The following RAPGEF4 variants were observed in gnomAD, a reference collection of about 807,000 sequenced individuals.
RAPGEF4 encodes the protein Rap guanine nucleotide exchange factor 4.
A neutral mutation model predicts 147.9 loss-of-function variants in RAPGEF4; 66 were observed. The ratio of observed to expected loss-of-function variants is 0.45; its 90% CI spans 0.37 to 0.55. The LOEUF is 0.55. Among genes scored for constraint, RAPGEF4 ranks in the 20% least tolerant of loss-of-function variants. The pLI is 0.00. For missense variants in RAPGEF4, 1,071 were observed against 1,257.3 expected (o/e 0.85, Z 2.24); for synonymous variants, 419 against 442.7 (o/e 0.95, Z 0.67).
chr2:172,754,155 T>C (rs537024208), intron 1 of RAPGEF4, among the ~76,000 whole-genome samples: 89 of 151,990 alleles, frequency 5.9e-4, no homozygotes, highest in African/African-American at 2.0e-3. Context: ...TCCTGCAGTA[T>C]TTTTTTTGTG....
chr2:172,886,280 A>G (rs1213971670), intron 4 of RAPGEF4, among the ~76,000 whole-genome samples: 1 of 152,188 alleles, frequency 6.6e-6, no homozygotes, highest in Non-Finnish European at 1.5e-5. Context: ...ATTTATTTAC[A>G]TATTATCTAT....
rs1371696857 is a variant in RAPGEF4, at chr2:172,735,940, CG to C, written c.-41del. On this transcript the variant is annotated 5_prime_UTR_variant, in exon 1 of 31. Coordinates refer to ENST00000397081, the MANE Select transcript of RAPGEF4 (RefSeq NM_007023.4). Reference sequence around the variant, plus strand: ...GGCGGAGGCGCAGGCAGAGCGAGCGCGGGAGGTCGCCGCAGCCAGGGACACC... The same window carrying C: ...GGCGGAGGCGCAGGCAGAGCGAGCGCGGAGGTCGCCGCAGCCAGGGACACC... 1 of 1,418,982 alleles carries C rather than the reference CG, an allele frequency of 7.0e-7. No homozygotes were observed. The highest frequency in any genetic ancestry group is 1.5e-5 in the African/African-American group (1 of 66,874). The allele number at this position is 1,418,982 out of a possible 1,614,324, so 87.9% of individuals were successfully genotyped here.
In RAPGEF4 at chr2:173,051,815, T is replaced by C; in HGVS notation, c.*48T>C. The C allele has an allele frequency of 3.1e-6, 5 of 1,600,776 alleles. No individual in the cohort carries two copies. Among genetic ancestry groups the C allele is most frequent in the Non-Finnish European group, 4.3e-6 (5 of 1,170,776 alleles). On this transcript the variant is annotated 3_prime_UTR_variant, in exon 31 of 31. Coordinates refer to ENST00000397081, the MANE Select transcript of RAPGEF4 (RefSeq NM_007023.4). ...CAGTTTGTCTCCAGTCCACAATCTTTCAAAAATGCCATTTATGCTACTACT... is the reference window on the plus strand; with the variant it reads ...CAGTTTGTCTCCAGTCCACAATCTTCCAAAAATGCCATTTATGCTACTACT...
chr2:173,025,299 A>G (rs1045880969), intron 23 of RAPGEF4, among the ~76,000 whole-genome samples: 2 of 152,184 alleles, frequency 1.3e-5, no homozygotes, highest in African/African-American at 4.8e-5. Flanking sequence ...CAGAACATGT[A>G]ATTTCTCTAG....
intron 16 of RAPGEF4, among the ~76,000 whole-genome samples, chr2:172,998,440 G>A (rs1451265690): frequency 1.3e-5 from 2 of 152,214 alleles, no homozygotes; most frequent in African/African-American, 2.4e-5. Context: ...CCGGCTGGGT[G>A]CAGTGGCTCA....
chr2:172,904,626 A>G (rs1398562466), intron 4 of RAPGEF4, among the ~76,000 whole-genome samples: 1 of 152,142 alleles, frequency 6.6e-6, no homozygotes, highest in Admixed American at 6.5e-5. Flanking sequence ...TGCTTCAACA[A>G]GAAATCAGGG....
intron 4 of RAPGEF4, among the ~76,000 whole-genome samples, chr2:172,848,481 CGTTT>C (rs987188074): frequency 2.0e-5 from 3 of 152,118 alleles, no homozygotes; most frequent in African/African-American, 7.2e-5. Context: ...TCACATAATT[CGTTT>C]GTTTGTTCAA....
At chr2:172,800,840 T>C (rs372791318) in intron 3 of RAPGEF4, among the ~76,000 whole-genome samples, 2 of 152,114 alleles carry the variant, frequency 1.3e-5, no homozygotes, top group Non-Finnish European at 2.9e-5. Flanking sequence ...TACAGCAACA[T>C]CTAGATTAGT....
At chr2:173,002,394 G>A (rs1044653488) in intron 17 of RAPGEF4, among the ~76,000 whole-genome samples, 6 of 152,162 alleles carry the variant, frequency 3.9e-5, no homozygotes, top group African/African-American at 9.7e-5. Context: ...GTTTGGAATG[G>A]CCCAGTTGAT....
intron 17 of RAPGEF4, among the ~76,000 whole-genome samples, chr2:173,014,180 T>C (rs924331886): frequency 2.0e-5 from 3 of 152,098 alleles, no homozygotes; most frequent in Non-Finnish European, 4.4e-5. Context: ...GAATGACAGC[T>C]AGAGCTAGAC....
intron 4 of RAPGEF4, among the ~76,000 whole-genome samples, chr2:172,815,533 G>A (rs1037138258): frequency 1.8e-4 from 28 of 152,198 alleles, no homozygotes; most frequent in African/African-American, 6.3e-4. Flanking sequence ...ATTGAAAGTA[G>A]GTTTGCATGA....
At chr2:172,830,070 C>G (rs190841190) in intron 4 of RAPGEF4, among the ~76,000 whole-genome samples, 1 of 151,814 alleles carries the variant, frequency 6.6e-6, no homozygotes, top group African/African-American at 2.4e-5. Context: ...TGTTATCTAC[C>G]AAAAGATTAA....
intron 5 of RAPGEF4, among the ~76,000 whole-genome samples, chr2:172,921,204 A>G (rs890193861): frequency 6.6e-6 from 1 of 151,580 alleles, no homozygotes; most frequent in African/African-American, 2.4e-5. Context: ...AGCCTTAACC[A>G]AACCTGGTTC....
At chr2:173,009,520 A>C (rs968073942) in intron 17 of RAPGEF4, among the ~76,000 whole-genome samples, 2 of 152,236 alleles carry the variant, frequency 1.3e-5, no homozygotes, top group African/African-American at 4.8e-5. Flanking sequence ...CCAAAATCCA[A>C]AATGCTCCAA....
At chr2:172,787,974 G>C (rs1685392113) in intron 1 of RAPGEF4, among the ~76,000 whole-genome samples, 1 of 152,114 alleles carries the variant, frequency 6.6e-6, no homozygotes, top group Admixed American at 6.5e-5. Context: ...ATTTCTCATA[G>C]TTCTAGAGGC....
intron 4 of RAPGEF4, among the ~76,000 whole-genome samples, chr2:172,915,031 C>G (rs977419438): frequency 6.6e-6 from 1 of 152,132 alleles, no homozygotes; most frequent in Non-Finnish European, 1.5e-5. Context: ...TGTTTTTATC[C>G]TAATTAATAT....
chr2:172,799,217 T>C (rs911937350), intron 3 of RAPGEF4, among the ~76,000 whole-genome samples: 1 of 152,226 alleles, frequency 6.6e-6, no homozygotes, highest in African/African-American at 2.4e-5. Context: ...ATTTACTTCT[T>C]TAATCCTCAA....
At chr2:172,999,338 C>T (rs1165778768) in intron 16 of RAPGEF4, among the ~76,000 whole-genome samples, 1 of 152,180 alleles carries the variant, frequency 6.6e-6, no homozygotes, top group Non-Finnish European at 1.5e-5. Flanking sequence ...TGCCTCCCTC[C>T]TGTCCTGGAC....
chr2:172,998,452 G>A (rs147253597), intron 16 of RAPGEF4, among the ~76,000 whole-genome samples: 27 of 152,278 alleles, frequency 1.8e-4, no homozygotes, highest in African/African-American at 2.6e-4. Flanking sequence ...AGTGGCTCAT[G>A]CCTGTAATCC....
Sources: allele counts gnomAD v4.1 joint callset (sites outside exome capture counted in the v4.1 genomes callset), GRCh38; gene constraint gnomAD v4.1.1; transcripts MANE v1.5; gene names NCBI Gene and HGNC (gene_info 2026-07-23, HGNC 2026-07-21).